The following AFAP1L1 variants were observed in gnomAD, a reference collection of about 807,000 sequenced individuals.
AFAP1L1 encodes actin filament-associated protein 1-like 1.
AFAP1L1 carries 77 observed loss-of-function variants against 99.8 expected under a neutral mutation model. That is an observed-to-expected ratio of 0.77 (90% CI 0.64 to 0.93). The LOEUF (loss-of-function observed/expected upper bound fraction) is 0.93. Among genes scored for constraint, AFAP1L1 ranks in the 40% least tolerant of loss-of-function variants. AFAP1L1 has a pLI of 0.00. For missense variants in AFAP1L1, 893 were observed against 996.8 expected (o/e 0.90, Z 1.40); for synonymous variants, 373 against 395.3 (o/e 0.94, Z 0.67).
chr5:149,319,867 G>A, intron 13 of AFAP1L1, 140 bp downstream of exon 13: 2 of 1,271,434 alleles, frequency 1.6e-6, no homozygotes, highest in East Asian at 2.5e-5. Flanking sequence ...GCTGGAATGA[G>A]TGTCTTCCTC....
intron 1 of AFAP1L1, among the ~76,000 whole-genome samples, chr5:149,287,485 A>C (rs352351): frequency 0.74 from 112,107 of 152,026 alleles, 42,900 homozygotes; most frequent in Non-Finnish European, 0.83. Context: ...TAAATAAATA[A>C]CTAAATAAAA....
Position 149,307,532 on chromosome 5 carries a change from G to A in AFAP1L1, c.666G>A (p.Arg222=). The A allele has an allele frequency of 6.2e-7, 1 of 1,614,138 alleles. No individual in the cohort carries two copies. Among genetic ancestry groups the A allele is most frequent in the Non-Finnish European group, 8.5e-7 (1 of 1,180,038 alleles). The change falls in exon 7 of 19, where the codon AGG becomes AGA. Residue 222 remains arginine (R), a synonymous_variant. Transcript: ENST00000296721. ...EASMHLVREC[R]ICAFLLRKKR... is the part of the protein sequence containing the mutation. Reference sequence around the variant, plus strand: ...CCATGCACCTGGTGAGGGAATGCAGGATATGTGCCTTCCTGCTGCGGAAAA... The same window carrying A: ...CCATGCACCTGGTGAGGGAATGCAGAATATGTGCCTTCCTGCTGCGGAAAA...
chr5:149,307,640 C>T, intron 7 of AFAP1L1, 27 bp downstream of exon 7: 2 of 1,607,164 alleles, frequency 1.2e-6, no homozygotes, highest in Non-Finnish European at 1.7e-6. Context: ...AGCCATGTGC[C>T]TCGGCCTCAC....
chr5:149,290,722 A>G (rs1187284627), intron 1 of AFAP1L1, among the ~76,000 whole-genome samples: 2 of 149,586 alleles, frequency 1.3e-5, no homozygotes, highest in African/African-American at 4.9e-5. Flanking sequence ...TTGTTGCCTG[A>G]TTTTTTTTTT....
rs72837102 is a variant in AFAP1L1 at position 149,310,415 on chromosome 5, C to G, written c.927+280C>G. Among the ~76,000 whole-genome samples the G allele has an allele frequency of 5.4e-3, 818 of 152,340 alleles. 5 individuals are homozygous for G. Among genetic ancestry groups the G allele is most frequent in the Middle Eastern group, 0.01 (3 of 294 alleles). On this transcript the variant is annotated intron_variant, in intron 8 of 18. Transcript: ENST00000296721. ...GCCTGCACTTGTATACCTCCTGGAA[C>G]TGGAGGCTTAGTATGTACAAAGGAA...
chr5:149,342,608 G>C lies in AFAP1L1; in HGVS notation c.*2578G>C, dbSNP rs1473649316. Among the ~76,000 whole-genome samples, 1 of 152,176 alleles carries C rather than the reference G, an allele frequency of 6.6e-6. No individual in the cohort carries two copies. The highest frequency in any genetic ancestry group is 1.5e-5 in the Non-Finnish European group (1 of 68,020). On this transcript the variant is annotated 3_prime_UTR_variant, in exon 19 of 19. Coordinates refer to ENST00000296721, the MANE Select transcript of AFAP1L1 (RefSeq NM_152406.4). ...TAAGGCACAGATGCCACTTGTTCTT[G>C]GTTGTTAAAATGCCTTGTTTAGGCC...
intron 5 of AFAP1L1, among the ~76,000 whole-genome samples, chr5:149,304,089 A>G (rs1258414169): frequency 2.0e-5 from 3 of 152,120 alleles, no homozygotes; most frequent in African/African-American, 2.4e-5. Context: ...GGATTTGCCT[A>G]TTCTGGACAT....
chr5:149,322,991 G>A (rs1756999278), intron 15 of AFAP1L1, among the ~76,000 whole-genome samples: 1 of 152,138 alleles, frequency 6.6e-6, no homozygotes, highest in South Asian at 2.1e-4. Context: ...TATAGGGGAG[G>A]CTGCTGCTCA....
At chr5:149,275,808 C>G (rs1755302009) in intron 1 of AFAP1L1, among the ~76,000 whole-genome samples, 1 of 152,122 alleles carries the variant, frequency 6.6e-6, no homozygotes, top group Non-Finnish European at 1.5e-5. Context: ...GCCCGGCCGT[C>G]TCTTCTTCTT....
At chr5:149,326,673 C>A (rs970931504) in intron 15 of AFAP1L1, among the ~76,000 whole-genome samples, 3 of 151,960 alleles carry the variant, frequency 2.0e-5, no homozygotes, top group African/African-American at 4.8e-5. Context: ...TGTAAAGGGG[C>A]TGAATTTAAT....
chr5:149,304,791 C>T (rs371512673), intron 5 of AFAP1L1, among the ~76,000 whole-genome samples: 2 of 152,316 alleles, frequency 1.3e-5, no homozygotes, highest in South Asian at 2.1e-4. Context: ...GCTGGAAAGG[C>T]GGGCTCCGAG....
At chr5:149,274,689 C>T (rs758738483) in intron 1 of AFAP1L1, among the ~76,000 whole-genome samples, 9 of 152,040 alleles carry the variant, frequency 5.9e-5, no homozygotes, top group Non-Finnish European at 1.3e-4. Context: ...GACCAGCCTG[C>T]CCAACATGGT....
At chr5:149,296,901 G>A (rs545031695) in intron 1 of AFAP1L1, among the ~76,000 whole-genome samples, 1 of 152,250 alleles carries the variant, frequency 6.6e-6, no homozygotes, top group South Asian at 2.1e-4. Context: ...TCACATGGTG[G>A]CAACAAGGAG....
intron 15 of AFAP1L1, among the ~76,000 whole-genome samples, chr5:149,326,914 C>T (rs2127602163): frequency 1.3e-5 from 2 of 152,236 alleles, no homozygotes; most frequent in African/African-American, 4.8e-5. Flanking sequence ...AGGAAGTAGA[C>T]TACAATAAAA....
In AFAP1L1 at chr5:149,307,504, C is replaced by T. The variant is rs752802841; in HGVS notation, c.638C>T (p.Ala213Val). Reference sequence around the variant, plus strand: ...CGACACCAGTGGCCCTCAGAGGAGGCCTCCATGCACCTGGTGAGGGAATGC... The same window carrying T: ...CGACACCAGTGGCCCTCAGAGGAGGTCTCCATGCACCTGGTGAGGGAATGC... The part of the protein sequence containing the change: ...QPRHQWPSEE[A>V]SMHLVRECRI... The change falls in exon 7 of 19, where the codon GCC becomes GTC. Residue 213 changes from alanine (A) to valine (V), a missense_variant. Physicochemically the swap from Ala to Val is moderately conservative, Grantham distance 64. Coordinates refer to ENST00000296721, the MANE Select transcript of AFAP1L1 (RefSeq NM_152406.4). The T allele has an allele frequency of 6.2e-7, 1 of 1,614,104 alleles. No individual in the cohort carries two copies. The highest frequency in any genetic ancestry group is 1.1e-5 in the South Asian group (1 of 91,074).
intron 1 of AFAP1L1, among the ~76,000 whole-genome samples, chr5:149,283,469 A>G (rs1415022949): frequency 1.3e-5 from 2 of 152,128 alleles, no homozygotes; most frequent in Non-Finnish European, 2.9e-5. Flanking sequence ...ATTAAATTAA[A>G]CCATATGTAT....
chr5:149,340,234 A>G lies in AFAP1L1; in HGVS notation c.*204A>G, dbSNP rs533534569. The G allele has an allele frequency of 4.0e-5, 23 of 581,144 alleles. No individual in the cohort carries two copies. The highest frequency in any genetic ancestry group is 2.1e-4 in the Admixed American group (7 of 33,958). 36.0% of individuals were successfully genotyped at this position (581,144 alleles called of 1,614,324 possible). ...AGAAGGGAAGAGGGAAATGGAGAGC[A>G]TCCTTATGACTTTACAAAGGGTGGA... is the stretch of plus-strand genomic sequence containing the variant. On this transcript the variant is annotated 3_prime_UTR_variant, in exon 19 of 19. Coordinates refer to ENST00000296721, the MANE Select transcript of AFAP1L1 (RefSeq NM_152406.4).
At chr5:149,283,566 C>G (rs1755587175) in intron 1 of AFAP1L1, among the ~76,000 whole-genome samples, 1 of 151,646 alleles carries the variant, frequency 6.6e-6, no homozygotes, top group Non-Finnish European at 1.5e-5. Flanking sequence ...ATTTTGTTCT[C>G]TTTTTTTTCA....
At chr5:149,274,456 G>C (rs1755245297) in intron 1 of AFAP1L1, among the ~76,000 whole-genome samples, 1 of 152,116 alleles carries the variant, frequency 6.6e-6, no homozygotes, top group African/African-American at 2.4e-5. Context: ...TGGTCTTGTG[G>C]CTGGGCACAC....
Sources: allele counts gnomAD v4.1 joint callset (sites outside exome capture counted in the v4.1 genomes callset), GRCh38; gene constraint gnomAD v4.1.1; transcripts MANE v1.5; gene names NCBI Gene and HGNC (gene_info 2026-07-23, HGNC 2026-07-21).